Variants in SHANK2 observed in about 807,000 individuals in gnomAD.
The protein encoded by SHANK2 is SH3 and multiple ankyrin repeat domains protein 2.
SHANK2 carries 43 observed loss-of-function variants against 133.7 expected under a neutral mutation model. The observed-to-expected ratio is 0.32, with a 90% confidence interval of 0.25 to 0.41. The LOEUF is 0.41. SHANK2 is among the 10% of genes least tolerant of loss of function. SHANK2 has a pLI of 1.00. For synonymous variants in SHANK2, 1,017 were observed against 952.8 expected, an observed-to-expected ratio of 1.07 and a Z score of -1.24; for missense variants, 1,994 against 2,235.8, an observed-to-expected ratio of 0.89 and a Z score of 2.18.
rs138347246 is a variant in SHANK2, at chr11:70,540,109, G to T, written c.2062-37178C>A. On this transcript the variant is annotated intron_variant, in intron 17 of 25. Transcript: ENST00000601538. ...TGACCCCATCTTAACCAGTCACATC[G>T]CAATGTCCCAATTTCCAAGCAAGAC... 6.4e-3 allele frequency among the ~76,000 whole-genome samples: 977 copies of T among 152,248 alleles called. 7 individuals are homozygous for T. The highest frequency in any genetic ancestry group is 0.013 in the African/African-American group (560 of 41,556).
rs1946471936 is a variant in SHANK2 at position 70,739,263 on chromosome 11, G to C, written c.1778-40500C>G. ...CACACAAAGCCCAGACGCAGACCCG[G>C]GGCATCTCCCATCTCCACCCATCTC... On this transcript the variant is annotated intron_variant, in intron 14 of 25. Coordinates refer to ENST00000601538, the MANE Select transcript of SHANK2 (RefSeq NM_012309.5). This position sits in a 1 kb window ranked among gnomAD's most constrained non-coding sequence, Gnocchi z 4.3. 1.3e-5 allele frequency among the ~76,000 whole-genome samples: 2 copies of C among 152,116 alleles called. No homozygotes were observed. Among genetic ancestry groups the C allele is most frequent in the South Asian group, 4.1e-4 (2 of 4,820 alleles).
chr11:70,707,603 A>G (rs1945694456), intron 14 of SHANK2, among the ~76,000 whole-genome samples: 1 of 152,140 alleles, frequency 6.6e-6, no homozygotes, highest in Non-Finnish European at 1.5e-5. Flanking sequence ...AACCCCAAGC[A>G]GCAAACCATC....
intron 11 of SHANK2, among the ~76,000 whole-genome samples, chr11:70,889,594 A>C (rs1949807426): frequency 1.3e-5 from 2 of 152,210 alleles, no homozygotes; most frequent in Non-Finnish European, 2.9e-5. Context: ...GCGGGATTTG[A>C]AACCGCAGTT....
intron 17 of SHANK2, among the ~76,000 whole-genome samples, chr11:70,617,827 G>A (rs782733516): frequency 6.6e-6 from 1 of 152,274 alleles, no homozygotes; most frequent in East Asian, 1.9e-4. Flanking sequence ...ATCACACACC[G>A]GGGCCTGTTG....
At chr11:71,066,040 G>A (rs1590879300) in intron 9 of SHANK2, among the ~76,000 whole-genome samples, 12 of 121,846 alleles carry the variant, frequency 9.8e-5, no homozygotes, top group East Asian at 7.7e-4. Context: ...GGAAGTTGGG[G>A]GAGGGTACAG....
chr11:70,872,100 G>A (rs879970667), intron 11 of SHANK2, among the ~76,000 whole-genome samples: 2 of 152,186 alleles, frequency 1.3e-5, no homozygotes, highest in African/African-American at 4.8e-5. Flanking sequence ...CCGCCAGTGG[G>A]TCTGGGCAGT....
intron 14 of SHANK2, among the ~76,000 whole-genome samples, chr11:70,789,990 T>G (rs1947753981): frequency 6.6e-6 from 1 of 152,250 alleles, no homozygotes; most frequent in South Asian, 2.1e-4. Context: ...CCTGACAGTT[T>G]CCATGTACAC....
In SHANK2 at chr11:71,227,625, T is replaced by G. The variant is rs78547786; in HGVS notation, c.-112-2829A>C. Among the ~76,000 whole-genome samples the G allele has an allele frequency of 5.6e-3, 856 of 151,940 alleles. 5 individuals carry two copies. The highest frequency in any genetic ancestry group is 0.02 in the African/African-American group (828 of 41,454). Reference sequence around the variant, plus strand: ...TCCACACTTATAACTGAATACAACTTTAACAAACCTTTCTCCACAATTGAT... The same window carrying G: ...TCCACACTTATAACTGAATACAACTGTAACAAACCTTTCTCCACAATTGAT... On this transcript the variant is annotated intron_variant, in intron 1 of 25. Coordinates refer to ENST00000601538, the MANE Select transcript of SHANK2 (RefSeq NM_012309.5).
intron 10 of SHANK2, among the ~76,000 whole-genome samples, chr11:70,941,703 C>G (rs191468902): frequency 6.6e-6 from 1 of 152,100 alleles, no homozygotes; most frequent in Non-Finnish European, 1.5e-5. Flanking sequence ...GAAATCAGCC[C>G]CCATGAGAAA....
chr11:71,131,903 T>G (rs550571548), intron 3 of SHANK2, among the ~76,000 whole-genome samples: 2 of 152,274 alleles, frequency 1.3e-5, no homozygotes, highest in East Asian at 3.9e-4. Flanking sequence ...CAAAGAGGAA[T>G]GCTCCAAAAA....
intron 2 of SHANK2, among the ~76,000 whole-genome samples, chr11:71,213,418 C>T (rs962257179): frequency 2.6e-5 from 4 of 152,194 alleles, no homozygotes; most frequent in Non-Finnish European, 5.9e-5. Context: ...TTTATGATCA[C>T]AGTTTCACTT....
chr11:70,529,339 A>T (rs2059439384), intron 17 of SHANK2, among the ~76,000 whole-genome samples: 1 of 152,204 alleles, frequency 6.6e-6, no homozygotes, highest in Non-Finnish European at 1.5e-5. Flanking sequence ...AAGGCGGGTG[A>T]CTTGGCCAAG....
chr11:70,577,322 G>C (rs558938073), intron 17 of SHANK2, among the ~76,000 whole-genome samples: 3 of 152,314 alleles, frequency 2.0e-5, no homozygotes, highest in Admixed American at 6.5e-5. Context: ...CACCAGGAAT[G>C]ACCCAACCAT....
chr11:70,864,294 G>C (rs999283849), intron 11 of SHANK2: 1 of 166,386 alleles, frequency 6.0e-6, no homozygotes, highest in East Asian at 1.8e-4. Context: ...AATTGAGGGA[G>C]ATGAGAGTAT....
intron 12 of SHANK2, among the ~76,000 whole-genome samples, chr11:70,817,677 T>C (rs1555054709): frequency 6.6e-6 from 1 of 152,160 alleles, no homozygotes; most frequent in African/African-American, 2.4e-5. Flanking sequence ...CAAGGTGCTG[T>C]GGGAGGCGGC....
chr11:70,923,489 G>C (rs552222434), intron 10 of SHANK2, among the ~76,000 whole-genome samples: 2 of 152,084 alleles, frequency 1.3e-5, no homozygotes, highest in South Asian at 4.2e-4. Context: ...TGATCCGCCC[G>C]TCTCCACCTC....
At chr11:71,101,861 G>A (rs1258523602) in intron 6 of SHANK2, among the ~76,000 whole-genome samples, 1 of 152,176 alleles carries the variant, frequency 6.6e-6, no homozygotes, top group African/African-American at 2.4e-5. Flanking sequence ...CCGGAGTTGG[G>A]GGGCGGCCGA....
chr11:70,863,947 T>A (rs1196587070), intron 11 of SHANK2: 1 of 426,394 alleles, frequency 2.3e-6, no homozygotes, highest in Non-Finnish European at 4.6e-6. Context: ...AGAGAATGTT[T>A]CTGATAAAAC....
chr11:70,591,556 G>GA (rs71049925), intron 17 of SHANK2, among the ~76,000 whole-genome samples: 75,266 of 150,372 alleles, frequency 0.5, 19,317 homozygotes, highest in East Asian at 0.82. Flanking sequence ...AAAAGAAAAA[G>GA]AAAAAAAAAG....
Sources: gnomAD v4.1 joint callset for allele counts (sites outside exome capture counted in the v4.1 genomes callset) on GRCh38, gnomAD v4.1.1 for gene constraint, Gnocchi (gnomAD v3.1) non-coding constraint, MANE v1.5 for transcripts, NCBI Gene and HGNC (gene_info 2026-07-23, HGNC 2026-07-21) for gene names.